CTNNA3: variants seen among roughly 807,000 people sequenced by gnomAD.
CTNNA3 encodes catenin alpha-3.
In CTNNA3, 76 loss-of-function variants were observed where a neutral mutation model predicts 95.7. The observed-to-expected ratio is 0.79, with a 90% CI of 0.66 to 0.96. The LOEUF is 0.96. CTNNA3 is among the 40% of genes least tolerant of loss of function. The probability of loss-of-function intolerance (pLI) is 0.00; values close to 1 mark genes in which losing one functional copy is unlikely to be tolerated. For synonymous variants in CTNNA3, 431 were observed against 374.4 expected, an observed-to-expected ratio of 1.15 and a Z score of -1.74; for missense variants, 1,191 against 1,089.8, an observed-to-expected ratio of 1.09 and a Z score of -1.31.
rs905881656 is a variant in CTNNA3, at chr10:67,606,838, C to A, written c.292+19G>T. The stretch of plus-strand genomic sequence containing the variant: ...CTAAAGATATGCAGTTTGCTCCTGA[C>A]CAGGATTGGAGTACTCACTTTCTTT... On this transcript the variant is annotated intron_variant, in intron 3 of 17. Coordinates refer to ENST00000433211, the MANE Select transcript of CTNNA3 (RefSeq NM_013266.4). 2 of 1,592,804 alleles carry A rather than the reference C, an allele frequency of 1.3e-6. No homozygotes were observed. The highest frequency in any genetic ancestry group is 3.5e-5 in the Admixed American group (2 of 57,732).
intron 12 of CTNNA3, 72 bp downstream of exon 12, chr10:66,379,080 A>G (rs2132487660): frequency 4.0e-6 from 5 of 1,255,226 alleles, no homozygotes; most frequent in Non-Finnish European, 4.6e-6. Flanking sequence ...TCTTTCCCAC[A>G]TGTATGAATA....
At chr10:66,884,186 T>C (rs1589375106) in intron 7 of CTNNA3, among the ~76,000 whole-genome samples, 1 of 152,036 alleles carries the variant, frequency 6.6e-6, no homozygotes, top group Non-Finnish European at 1.5e-5. Flanking sequence ...ATCCAAATAC[T>C]TCCTATTAGG....
At chr10:66,697,582 G>A (rs1258478592) in intron 9 of CTNNA3, among the ~76,000 whole-genome samples, 1 of 151,990 alleles carries the variant, frequency 6.6e-6, no homozygotes, top group Admixed American at 6.6e-5. Flanking sequence ...GCAAAAAATA[G>A]TACCTTACAG....
chr10:67,566,773 A>G (rs986454835), intron 3 of CTNNA3, among the ~76,000 whole-genome samples: 2 of 152,122 alleles, frequency 1.3e-5, no homozygotes, highest in African/African-American at 2.4e-5. Context: ...AACCAACCCA[A>G]ATGTCCAACA....
At chr10:67,705,537 C>T (rs10997787) in intron 1 of CTNNA3, among the ~76,000 whole-genome samples, 1 of 147,718 alleles carries the variant, frequency 6.8e-6, no homozygotes, top group Non-Finnish European at 1.5e-5. Context: ...AACAAAAAAA[C>T]AAACACCGCA....
chr10:66,241,243 T>C (rs933001689), intron 13 of CTNNA3, among the ~76,000 whole-genome samples: 1 of 152,212 alleles, frequency 6.6e-6, no homozygotes, highest in African/African-American at 2.4e-5. Context: ...GTATCACTGT[T>C]GATTTTCTGA....
chr10:66,635,757 C>T (rs762846815), intron 9 of CTNNA3, among the ~76,000 whole-genome samples: 41 of 152,090 alleles, frequency 2.7e-4, no homozygotes, highest in Admixed American at 7.2e-4. Context: ...CACAAAAGAA[C>T]GGGTCTCTTA....
At chr10:67,507,558 G>GA (rs545584235) in intron 5 of CTNNA3, among the ~76,000 whole-genome samples, 43 of 133,288 alleles carry the variant, frequency 3.2e-4, no homozygotes, top group Middle Eastern at 3.8e-3. Context: ...AAGAAACAAA[G>GA]AAAAAAAAAA....
chr10:66,901,177 C>T (rs1589396361), intron 7 of CTNNA3, among the ~76,000 whole-genome samples: 1 of 152,220 alleles, frequency 6.6e-6, no homozygotes, highest in Admixed American at 6.5e-5. Context: ...AACAGCGGAT[C>T]TCTCAGCAGA....
intron 5 of CTNNA3, among the ~76,000 whole-genome samples, chr10:67,299,473 A>G (rs1434438264): frequency 6.6e-6 from 1 of 152,166 alleles, no homozygotes; most frequent in African/African-American, 2.4e-5. Flanking sequence ...AATGAATTTA[A>G]AGCCAGAATC....
intron 7 of CTNNA3, among the ~76,000 whole-genome samples, chr10:67,078,511 C>T (rs1254937877): frequency 6.7e-6 from 1 of 148,916 alleles, no homozygotes; most frequent in Non-Finnish European, 1.5e-5. Context: ...TTTTCTGATA[C>T]CTTTTTTATT....
intron 3 of CTNNA3, 27 bp downstream of exon 3, chr10:67,606,830 G>A (rs752322364): frequency 4.5e-6 from 7 of 1,561,244 alleles, no homozygotes; most frequent in Non-Finnish European, 2.6e-6. Context: ...TATGCAGTTT[G>A]CTCCTGACCA....
At chr10:66,658,012 A>G (rs1367300850) in intron 9 of CTNNA3, among the ~76,000 whole-genome samples, 1 of 152,182 alleles carries the variant, frequency 6.6e-6, no homozygotes, top group African/African-American at 2.4e-5. Flanking sequence ...TAAAACAAAG[A>G]TGGAGATGTG....
chr10:67,241,706 ATTCTG>A (rs1189128646), intron 5 of CTNNA3, among the ~76,000 whole-genome samples: 2 of 152,222 alleles, frequency 1.3e-5, no homozygotes, highest in African/African-American at 2.4e-5. Context: ...GTAGTGATTT[ATTCTG>A]TTCAACATAT....
chr10:66,678,692 C>T (rs1185064880), intron 9 of CTNNA3, among the ~76,000 whole-genome samples: 2 of 152,144 alleles, frequency 1.3e-5, no homozygotes, highest in African/African-American at 2.4e-5. Context: ...TTAGTCAGCT[C>T]ACTGAACTAT....
intron 5 of CTNNA3, among the ~76,000 whole-genome samples, chr10:67,257,504 T>C (rs1866405180): frequency 6.6e-6 from 1 of 152,236 alleles, no homozygotes. Context: ...TACAGTGTGA[T>C]ATCTTGTGTT....
intron 13 of CTNNA3, among the ~76,000 whole-genome samples, chr10:66,226,354 T>C (rs2089287118): frequency 3.3e-5 from 5 of 152,140 alleles, no homozygotes; most frequent in Admixed American, 3.3e-4. Context: ...GAAAAATCAA[T>C]TGGCTATACA....
chr10:66,081,256 G>A (rs1176548975), intron 14 of CTNNA3, among the ~76,000 whole-genome samples: 1 of 152,098 alleles, frequency 6.6e-6, no homozygotes, highest in Non-Finnish European at 1.5e-5. Flanking sequence ...AATTAGTTGA[G>A]TATGAATCAT....
At chr10:66,701,389 A>T (rs1847936908) in intron 9 of CTNNA3, among the ~76,000 whole-genome samples, 1 of 152,182 alleles carries the variant, frequency 6.6e-6, no homozygotes, top group Non-Finnish European at 1.5e-5. Flanking sequence ...TACTAGCCAA[A>T]TGAATGTTGG....
Sources: allele counts gnomAD v4.1 joint callset (sites outside exome capture counted in the v4.1 genomes callset), GRCh38; gene constraint gnomAD v4.1.1; transcripts MANE v1.5; gene names NCBI Gene and HGNC (gene_info 2026-07-23, HGNC 2026-07-21).